Variants in SOS2 observed in about 807,000 individuals in gnomAD.
SOS2 encodes the protein son of sevenless homolog 2.
A neutral mutation model predicts 148.2 loss-of-function variants in SOS2; 65 were observed. That is an observed-to-expected ratio of 0.44 (90% CI 0.36 to 0.54). The LOEUF (loss-of-function observed/expected upper bound fraction) is 0.54, where lower values mean the gene tolerates loss of function less well. Among genes scored for constraint, SOS2 ranks in the 20% least tolerant of loss-of-function variants. SOS2 has a pLI of 0.00. For synonymous variants in SOS2, 539 were observed against 537.1 expected (o/e 1.00, Z -0.05); for missense variants, 1,341 against 1,590.2 (o/e 0.84, Z 2.67).
chr14:50,175,428 C>CTTTTTTTTT (rs71441277), intron 7 of SOS2, among the ~76,000 whole-genome samples: 1 of 119,870 alleles, frequency 8.3e-6, no homozygotes. Context: ...AGGAGTAATA[C>CTTTTTTTTT]TTTTTTTTTT....
intron 8 of SOS2, among the ~76,000 whole-genome samples, chr14:50,171,749 T>G (rs966780922): frequency 1.3e-5 from 2 of 150,388 alleles, no homozygotes; most frequent in Non-Finnish European, 3.0e-5. Context: ...AAATAAAATA[T>G]GGTATAACAC....
intron 1 of SOS2, among the ~76,000 whole-genome samples, chr14:50,227,799 C>A (rs1887425650): frequency 6.6e-6 from 1 of 152,120 alleles, no homozygotes; most frequent in South Asian, 2.1e-4. Context: ...TCAATGTTGA[C>A]AATGGTGACT....
chr14:50,127,899 G>A (rs1883734549), intron 21 of SOS2, among the ~76,000 whole-genome samples: 3 of 152,054 alleles, frequency 2.0e-5, no homozygotes, highest in Non-Finnish European at 4.4e-5. Flanking sequence ...AGACCGTGGA[G>A]GAAAATGAGT....
chr14:50,163,488 T>C (rs923553148), intron 8 of SOS2, among the ~76,000 whole-genome samples: 2 of 152,166 alleles, frequency 1.3e-5, no homozygotes, highest in African/African-American at 2.4e-5. Flanking sequence ...AAGACACATG[T>C]AGAGGTCTTG....
At chr14:50,209,274 C>CGTGTGTGTGTGTGTGTGT (rs140994310) in intron 1 of SOS2, among the ~76,000 whole-genome samples, 3,107 of 118,278 alleles carry the variant, frequency 0.026, 199 homozygotes, top group Non-Finnish European at 0.036. Flanking sequence ...CCTTAAATGT[C>CGTGTGTGTGTGTGTGTGT]GTGTGTGTGT....
Position 50,182,528 on chromosome 14 carries a change from CTG to C in SOS2, c.791_792del (p.Thr264SerfsTer2). Reference protein sequence around the residue: ...TVKLLGLIEDTVEMTDESSPH... With the variant: ...TVKLLGLIEDXVEMTDESSPH... ...GGACTGCTTTCATCAGTCATTTCAA[CTG>C]TGTCTTCAATCAAACCTAAAAGTTT... On this transcript the variant is annotated frameshift_variant, in exon 6 of 23. Transcript: ENST00000216373. LOFTEE classifies it high-confidence loss of function. 6.2e-7 allele frequency: 1 copy of C among 1,613,182 alleles called. No individual in the cohort carries two copies. The highest frequency in any genetic ancestry group is 8.5e-7 in the Non-Finnish European group (1 of 1,179,162).
chr14:50,207,570 TAAGTA>T (rs1886704268), intron 1 of SOS2, among the ~76,000 whole-genome samples: 1 of 148,972 alleles, frequency 6.7e-6, no homozygotes, highest in Admixed American at 6.7e-5. Flanking sequence ...AAAAAAAGCC[TAAGTA>T]AAGTGTCACC....
At chr14:50,171,650 C>A (rs1885367988) in intron 8 of SOS2, among the ~76,000 whole-genome samples, 1 of 143,974 alleles carries the variant, frequency 6.9e-6, no homozygotes. Context: ...TGCCACCGCA[C>A]TCCAGCCAGG....
chr14:50,225,815 T>C (rs1836083298), intron 1 of SOS2, among the ~76,000 whole-genome samples: 1 of 152,212 alleles, frequency 6.6e-6, no homozygotes, highest in Non-Finnish European at 1.5e-5. Context: ...GCTATGTAAA[T>C]GAGAACCCAA....
rs188776248 is a variant in SOS2 at position 50,227,561 on chromosome 14, C to T, written c.87+3636G>A. Among the ~76,000 whole-genome samples, 775 of 152,148 alleles carry T rather than the reference C, an allele frequency of 5.1e-3. 8 individuals carry two copies. The highest frequency in any genetic ancestry group is 4.8e-3 in the Non-Finnish European group (328 of 67,990). On this transcript the variant is annotated intron_variant, in intron 1 of 22. Coordinates refer to ENST00000216373, the MANE Select transcript of SOS2 (RefSeq NM_006939.4). The stretch of plus-strand genomic sequence containing the variant: ...CCCGAGTAGCTGGGACTACAGGCGT[C>T]CGCCACCACGCCCGGCTAATTTTTT...
At chr14:50,206,294 T>G (rs1156264924) in intron 1 of SOS2, among the ~76,000 whole-genome samples, 2 of 152,346 alleles carry the variant, frequency 1.3e-5, no homozygotes, top group East Asian at 3.9e-4. Context: ...TGGAATATTT[T>G]TGTAATCATC....
At chr14:50,155,469 C>T (rs1223129890) in intron 12 of SOS2, among the ~76,000 whole-genome samples, 1 of 152,254 alleles carries the variant, frequency 6.6e-6, no homozygotes, top group East Asian at 1.9e-4. Flanking sequence ...CACCTTTCTA[C>T]CTATCTAAAG....
chr14:50,175,769 A>G (rs1248354849), intron 7 of SOS2, among the ~76,000 whole-genome samples: 3 of 152,170 alleles, frequency 2.0e-5, no homozygotes, highest in East Asian at 1.9e-4. Flanking sequence ...ATTTCTCCCC[A>G]TAAGAAAAAC....
At chr14:50,188,285 A>C (rs1470063541) in intron 5 of SOS2, among the ~76,000 whole-genome samples, 1 of 152,094 alleles carries the variant, frequency 6.6e-6, no homozygotes, top group Non-Finnish European at 1.5e-5. Flanking sequence ...CATGCCTCTA[A>C]TCCCAGCTAC....
At chr14:50,176,460 C>T (rs1885525799) in intron 7 of SOS2, among the ~76,000 whole-genome samples, 1 of 152,138 alleles carries the variant, frequency 6.6e-6, no homozygotes, top group Non-Finnish European at 1.5e-5. Flanking sequence ...AACTGTTTTG[C>T]TTATTTGTAC....
intron 13 of SOS2, among the ~76,000 whole-genome samples, chr14:50,152,386 T>C (rs1884689559): frequency 6.6e-6 from 1 of 152,108 alleles, no homozygotes; most frequent in South Asian, 2.1e-4. Context: ...GTAAATATTA[T>C]AAGAAAGCTG....
At chr14:50,122,582 G>A (rs930477390) in intron 21 of SOS2, among the ~76,000 whole-genome samples, 3 of 151,934 alleles carry the variant, frequency 2.0e-5, no homozygotes, top group African/African-American at 4.8e-5. Context: ...TAACAGACAC[G>A]CACACTCATG....
At chr14:50,212,678 TAGCAAAC>T (rs1305335637) in intron 1 of SOS2, among the ~76,000 whole-genome samples, 1 of 152,240 alleles carries the variant, frequency 6.6e-6, no homozygotes, top group Non-Finnish European at 1.5e-5. Context: ...GAGAATCATC[TAGCAAAC>T]AGAGGAAATT....
intron 7 of SOS2, among the ~76,000 whole-genome samples, chr14:50,177,045 C>CAA (rs1885544111): frequency 2.0e-5 from 3 of 152,106 alleles, no homozygotes; most frequent in Non-Finnish European, 4.4e-5. Flanking sequence ...GGCCCAAAGC[C>CAA]TTAAGTTCTA....
Sources: gnomAD v4.1 joint callset for allele counts (sites outside exome capture counted in the v4.1 genomes callset) on GRCh38, gnomAD v4.1.1 for gene constraint, MANE v1.5 for transcripts, NCBI Gene and HGNC (gene_info 2026-07-23, HGNC 2026-07-21) for gene names.